The following NEBL variants were observed in gnomAD, a reference collection of about 807,000 sequenced individuals.
NEBL encodes the protein nebulette.
NEBL carries 122 observed loss-of-function variants against 140.2 expected under a neutral mutation model. The ratio of observed to expected loss-of-function variants is 0.87; its 90% CI spans 0.75 to 1.01. NEBL has a LOEUF of 1.01. Ranked by LOEUF, NEBL falls within the 50% of genes least tolerant of loss-of-function variation. The probability of loss-of-function intolerance (pLI) is 0.00; values close to 1 mark genes in which losing one functional copy is unlikely to be tolerated. For missense variants in NEBL, 1,365 were observed against 1,231.3 expected, an observed-to-expected ratio of 1.11 and a Z score of -1.62; for synonymous variants, 436 against 398.9, an observed-to-expected ratio of 1.09 and a Z score of -1.11.
chr10:21,261,392 G>T (rs1260366818), intron 1 of NEBL, among the ~76,000 whole-genome samples: 1 of 152,122 alleles, frequency 6.6e-6, no homozygotes, highest in African/African-American at 2.4e-5. Flanking sequence ...TGGGCACAGC[G>T]GCTCACACTG....
intron 5 of NEBL, among the ~76,000 whole-genome samples, chr10:20,875,718 T>TAGCCAGCCAGCCAGCCAGCC (rs575325601): frequency 5.0e-4 from 76 of 151,848 alleles, no homozygotes; most frequent in African/African-American, 1.7e-3. Context: ...GCAGGAGTGA[T>TAGCCAGCCAGCCAGCCAGCC]AGCCAGCCAG....
chr10:21,180,375 G>T (rs767795027), intron 3 of NEBL, among the ~76,000 whole-genome samples: 17 of 152,168 alleles, frequency 1.1e-4, no homozygotes, highest in African/African-American at 2.4e-4. Flanking sequence ...GAGATGGTAT[G>T]ATTCCTTCTC....
At chr10:21,221,484 A>C (rs1842066375) in intron 3 of NEBL, among the ~76,000 whole-genome samples, 1 of 149,978 alleles carries the variant, frequency 6.7e-6, no homozygotes, top group Non-Finnish European at 1.5e-5. Context: ...TTCTACAAGA[A>C]AAACAGATGT....
rs147544047 is a variant in NEBL, at chr10:21,021,410, C to G, written c.165-1209G>C. On this transcript the variant is annotated intron_variant, in intron 2 of 6. Coordinates refer to the NEBL transcript ENST00000417816. ...GGAATAAAGTCTGGCCTCCTGTCTG[C>G]CAAGGCCCCCATGGCCAGGCCTCTG... Among the ~76,000 whole-genome samples the G allele has an allele frequency of 2.6e-5, 4 of 152,302 alleles. No individual in the cohort carries two copies. The East Asian group carries it at 7.7e-4, about 29-fold the overall frequency.
At chr10:20,808,487 T>G in intron 26 of NEBL, 23 bp downstream of exon 26, 1 of 1,612,686 alleles carries the variant, frequency 6.2e-7, no homozygotes, top group Non-Finnish European at 8.5e-7. Context: ...CGATTTTCTT[T>G]GTAAGCAGTG....
At chr10:21,265,803 ACAGTCATAGAC>A (rs1842790770) in intron 1 of NEBL, among the ~76,000 whole-genome samples, 1 of 152,246 alleles carries the variant, frequency 6.6e-6, no homozygotes, top group Non-Finnish European at 1.5e-5. Flanking sequence ...GAATGTGAAG[ACAGTCATAGAC>A]CATATGTAAA....
intron 4 of NEBL, among the ~76,000 whole-genome samples, chr10:20,882,899 AC>A (rs975834178): frequency 6.6e-6 from 1 of 152,052 alleles, no homozygotes; most frequent in African/African-American, 2.4e-5. Context: ...CTTTACTGAA[AC>A]CCCAATCTAT....
At chr10:20,930,243 T>C (rs1028500109) in intron 4 of NEBL, among the ~76,000 whole-genome samples, 4 of 152,160 alleles carry the variant, frequency 2.6e-5, no homozygotes, top group African/African-American at 9.7e-5. Flanking sequence ...AGAAACAAAA[T>C]TCTAGGAGAC....
At chr10:20,943,678 C>T (rs1835013990) in intron 4 of NEBL, among the ~76,000 whole-genome samples, 1 of 152,198 alleles carries the variant, frequency 6.6e-6, no homozygotes. Flanking sequence ...ACCCACATGT[C>T]CTGCTACAAT....
chr10:20,976,453 A>G (rs1396157750), intron 3 of NEBL, among the ~76,000 whole-genome samples: 2 of 152,190 alleles, frequency 1.3e-5, no homozygotes, highest in African/African-American at 4.8e-5. Flanking sequence ...TGTTCCACCA[A>G]AAAGACAACT....
chr10:20,974,149 A>G (rs943119777), intron 3 of NEBL, among the ~76,000 whole-genome samples: 1 of 152,204 alleles, frequency 6.6e-6, no homozygotes. Context: ...ATTCAAACCC[A>G]GATCTGCTGT....
At chr10:20,958,345 T>C (rs571238366) in intron 4 of NEBL, among the ~76,000 whole-genome samples, 2 of 152,314 alleles carry the variant, frequency 1.3e-5, no homozygotes, top group African/African-American at 4.8e-5. Context: ...GGATGGCAAT[T>C]AAGCGACACA....
At chr10:20,825,960 C>T (rs1207471837) in intron 18 of NEBL, among the ~76,000 whole-genome samples, 3 of 152,114 alleles carry the variant, frequency 2.0e-5, no homozygotes, top group Non-Finnish European at 2.9e-5. Flanking sequence ...TGGGCAGAAG[C>T]GTGTCTGATA....
At position 20,845,273 on chromosome 10, in the gene NEBL, G is replaced by A. The variant is rs931654806; in HGVS notation, c.1212C>T (p.Thr404=). The A allele has an allele frequency of 2.5e-6, 4 of 1,571,884 alleles. No individual in the cohort carries two copies. Among genetic ancestry groups the A allele is most frequent in the Non-Finnish European group, 2.6e-6 (3 of 1,142,148 alleles). The change falls in exon 12 of 28, where the codon ACC becomes ACT. Residue 404 remains threonine (T), a synonymous_variant. Coordinates refer to ENST00000377122, the MANE Select transcript of NEBL (RefSeq NM_006393.3). ...AAGATCGTACCTCCCTCAGAAGGTT[G>A]GTGATGTACTTTACATGTAAAAATT... is the stretch of plus-strand genomic sequence containing the variant. The part of the protein sequence containing the change: ...TPEFLHVKYI[T]NLLREKEYKK...
chr10:20,959,380 A>G (rs545057265), intron 4 of NEBL, among the ~76,000 whole-genome samples: 4 of 152,222 alleles, frequency 2.6e-5, no homozygotes, highest in African/African-American at 9.6e-5. Flanking sequence ...GTTTCCTCTC[A>G]TAACAGACAC....
intron 2 of NEBL, among the ~76,000 whole-genome samples, chr10:21,085,167 T>C (rs1301929648): frequency 6.6e-6 from 1 of 152,164 alleles, no homozygotes; most frequent in Non-Finnish European, 1.5e-5. Flanking sequence ...GAGGACCCAT[T>C]ATATTTCTCA....
intron 20 of NEBL, among the ~76,000 whole-genome samples, chr10:20,818,400 T>G (rs377408048): frequency 4.9e-4 from 74 of 152,198 alleles, no homozygotes; most frequent in African/African-American, 1.7e-3. Context: ...GCTGACCTCA[T>G]GGGTTTACAT....
intron 3 of NEBL, among the ~76,000 whole-genome samples, chr10:20,997,769 A>G (rs561246594): frequency 6.6e-6 from 1 of 152,270 alleles, no homozygotes; most frequent in African/African-American, 2.4e-5. Flanking sequence ...TGAAAACATT[A>G]GATGCTTGAG....
At chr10:20,938,393 G>C (rs184941909) in intron 4 of NEBL, among the ~76,000 whole-genome samples, 1 of 152,322 alleles carries the variant, frequency 6.6e-6, no homozygotes, top group East Asian at 1.9e-4. Context: ...CTGTTAGAAG[G>C]AAAACTAACA....
Sources: allele counts gnomAD v4.1 joint callset (sites outside exome capture counted in the v4.1 genomes callset), GRCh38; gene constraint gnomAD v4.1.1; transcripts MANE v1.5; gene names NCBI Gene and HGNC (gene_info 2026-07-23, HGNC 2026-07-21).